The following PLA2R1 variants were observed in gnomAD, a reference collection of about 807,000 sequenced individuals.
PLA2R1 encodes the protein secretory phospholipase A2 receptor.
Under a neutral mutation model 195.9 loss-of-function variants are expected in PLA2R1, and 158 were observed. The observed-to-expected ratio is 0.81, with a 90% confidence interval of 0.71 to 0.92. The LOEUF is 0.92. PLA2R1 is among the 40% of genes least tolerant of loss of function. The pLI is 0.00. For synonymous variants in PLA2R1, 586 were observed against 598.2 expected (o/e 0.98, Z 0.30); for missense variants, 1,626 against 1,764.6 (o/e 0.92, Z 1.41).
At position 160,062,320 on chromosome 2, in the gene PLA2R1, G is replaced by T. The variant is rs779732509; in HGVS notation, c.84C>A (p.Thr28=). 2.6e-6 allele frequency: 4 copies of T among 1,524,256 alleles called. No homozygotes were observed. The highest frequency in any genetic ancestry group is 2.9e-5 in the African/African-American group (2 of 69,914). The allele number at this position is 1,524,256 out of a possible 1,614,324, so 94.4% of individuals were successfully genotyped here. The change falls in exon 1 of 30, where the codon ACC becomes ACA. Residue 28 remains threonine (T), a synonymous_variant. Transcript: ENST00000283243. ...CCTGCCACTCCAGGAGCCGCTCGGG[G>T]GTAAGCGCCGCCGCCACACCCTCGG... ...GCAEGVAAAL[T]PERLLEWQDK...
intron 17 of PLA2R1, among the ~76,000 whole-genome samples, chr2:159,971,476 A>G (rs56002940): frequency 0.3 from 45,505 of 150,576 alleles, 8,550 homozygotes; most frequent in Non-Finnish European, 0.42. Context: ...GTGTGCGCGC[A>G]CACACACACA....
intron 17 of PLA2R1, among the ~76,000 whole-genome samples, chr2:159,973,813 T>G (rs1298174935): frequency 6.6e-6 from 1 of 152,126 alleles, no homozygotes. Context: ...CCCATGAAAC[T>G]GATGGGGCAT....
intron 11 of PLA2R1, among the ~76,000 whole-genome samples, chr2:159,999,261 G>C (rs1413250687): frequency 6.6e-6 from 1 of 151,654 alleles, no homozygotes; most frequent in African/African-American, 2.4e-5. Context: ...TAACAGGAAT[G>C]ACTAAGAATC....
intron 8 of PLA2R1, among the ~76,000 whole-genome samples, chr2:160,019,801 C>G (rs1444702881): frequency 6.6e-6 from 1 of 151,416 alleles, no homozygotes; most frequent in Non-Finnish European, 1.5e-5. Flanking sequence ...CTTCCCCCTT[C>G]TCTCTGAGAG....
At position 159,982,106 on chromosome 2, in the gene PLA2R1, A is replaced by AGTGTGTGTGT. The variant is rs1170244741; in HGVS notation, c.2183+1812_2183+1821dup. Among the ~76,000 whole-genome samples, 4 of 152,270 alleles carry AGTGTGTGTGT rather than the reference A, an allele frequency of 2.6e-5. No individual in the cohort carries two copies. The South Asian group carries it at 8.3e-4, about 32-fold the overall frequency. On this transcript the variant is annotated intron_variant, in intron 13 of 29. Transcript: ENST00000283243. ...TTGATCTTAAAGCAAACTGGGAAGCAGTGTGTGTGTGGTTGTCATATGGCA... is the reference window on the plus strand; with the variant it reads ...TTGATCTTAAAGCAAACTGGGAAGCAGTGTGTGTGTGTGTGTGTGTGGTTGTCATATGGCA...
downstream of PLA2R1, among the ~76,000 whole-genome samples, chr2:159,929,436 G>T (rs1455899140): frequency 6.6e-6 from 1 of 152,120 alleles, no homozygotes; most frequent in Non-Finnish European, 1.5e-5. Context: ...AATGCAAATT[G>T]AAACCATAAT....
chr2:159,949,343 C>G lies in PLA2R1; in HGVS notation c.3709+265G>C, dbSNP rs192065091. Among the ~76,000 whole-genome samples the G allele has an allele frequency of 7.2e-4, 110 of 152,318 alleles. 1 individual carries two copies. The highest frequency in any genetic ancestry group is 3.1e-4 in the Non-Finnish European group (21 of 68,026). ...CACCCACCTATTTATCAAGGCCCATCTGCACTGCCATGTCCTTCAAGAAGC... is the reference window on the plus strand; with the variant it reads ...CACCCACCTATTTATCAAGGCCCATGTGCACTGCCATGTCCTTCAAGAAGC... On this transcript the variant is annotated intron_variant, in intron 25 of 29. Coordinates refer to ENST00000283243, the MANE Select transcript of PLA2R1 (RefSeq NM_007366.5).
chr2:160,034,343 C>T (rs1228458136), intron 3 of PLA2R1, among the ~76,000 whole-genome samples: 2 of 151,552 alleles, frequency 1.3e-5, no homozygotes, highest in Non-Finnish European at 2.9e-5. Context: ...ATAGAAGGAT[C>T]CAAGATTAAA....
At chr2:160,027,720 T>C (rs546172806) in intron 6 of PLA2R1, among the ~76,000 whole-genome samples, 4 of 152,324 alleles carry the variant, frequency 2.6e-5, no homozygotes, top group African/African-American at 9.6e-5. Flanking sequence ...GGACTTCTGG[T>C]ACTAGACTGT....
Position 160,062,509 on chromosome 2 carries a change from C to T in PLA2R1, c.-106G>A, listed in dbSNP as rs3749119. The T allele has an allele frequency of 0.31, 431,337 of 1,400,044 alleles. 69,588 individuals carry two copies. The highest frequency in any genetic ancestry group is 0.36 in the East Asian group (12,030 of 33,142). The allele number at this position is 1,400,044 out of a possible 1,614,324, so 86.7% of individuals were successfully genotyped here. The stretch of plus-strand genomic sequence containing the variant: ...CGGCCCCGCCGCGCGGAAGCGGATC[C>T]GTAGCCTCCTCCGCGCCCCACCCCC... On this transcript the variant is annotated 5_prime_UTR_variant, in exon 1 of 30. Coordinates refer to ENST00000283243, the MANE Select transcript of PLA2R1 (RefSeq NM_007366.5).
intron 8 of PLA2R1, among the ~76,000 whole-genome samples, chr2:160,019,417 C>T (rs1692964347): frequency 6.6e-6 from 1 of 152,178 alleles, no homozygotes; most frequent in South Asian, 2.1e-4. Context: ...CCACATCTAA[C>T]TTAGCAACAC....
At chr2:159,978,719 C>T (rs958619657) in intron 14 of PLA2R1, among the ~76,000 whole-genome samples, 1 of 152,104 alleles carries the variant, frequency 6.6e-6, no homozygotes, top group African/African-American at 2.4e-5. Context: ...GTTTTCTGAG[C>T]CTTGGTTTCT....
intron 1 of PLA2R1, 97 bp from the exon 2 acceptor site, chr2:160,045,254 A>G (rs571947773): frequency 2.2e-6 from 2 of 899,708 alleles, no homozygotes; most frequent in Admixed American, 4.8e-5. Flanking sequence ...GATATGCGAC[A>G]GTTGCCAGCC....
chr2:160,044,591 C>T (rs1383907982), intron 2 of PLA2R1, among the ~76,000 whole-genome samples, 183 bp downstream of exon 2: 1 of 152,112 alleles, frequency 6.6e-6, no homozygotes, highest in Non-Finnish European at 1.5e-5. Context: ...TGTAGTATGT[C>T]CATTCTGAGA....
intron 7 of PLA2R1, 59 bp from the exon 8 acceptor site, chr2:160,020,322 C>A: frequency 2.7e-6 from 3 of 1,096,490 alleles, no homozygotes; most frequent in Non-Finnish European, 4.0e-6. Context: ...GGAGATAACA[C>A]CCTGGAGTTA....
intron 11 of PLA2R1, among the ~76,000 whole-genome samples, chr2:159,991,455 T>A (rs1158544572): frequency 6.8e-6 from 1 of 146,438 alleles, no homozygotes; most frequent in Admixed American, 6.7e-5. Flanking sequence ...TTTTTTTTTT[T>A]AAGTTTTTCT....
chr2:159,976,903 G>A (rs1022338967), intron 15 of PLA2R1, among the ~76,000 whole-genome samples, 183 bp from the exon 16 acceptor site: 1 of 152,214 alleles, frequency 6.6e-6, no homozygotes. Context: ...GCTCCAGAGA[G>A]GCTTCTAATT....
intron 11 of PLA2R1, among the ~76,000 whole-genome samples, chr2:160,005,312 G>A (rs1014372107): frequency 6.6e-6 from 1 of 152,044 alleles, no homozygotes; most frequent in Non-Finnish European, 1.5e-5. Context: ...GCGCATGCCT[G>A]TGGTCCCAGC....
chr2:160,025,898 G>A (rs928677591), intron 6 of PLA2R1, among the ~76,000 whole-genome samples: 2 of 152,162 alleles, frequency 1.3e-5, no homozygotes, highest in African/African-American at 4.8e-5. Flanking sequence ...TAGGAAAAAG[G>A]ATACAAGTAG....
Sources: gnomAD v4.1 joint callset for allele counts (sites outside exome capture counted in the v4.1 genomes callset) on GRCh38, gnomAD v4.1.1 for gene constraint, MANE v1.5 for transcripts, NCBI Gene and HGNC (gene_info 2026-07-23, HGNC 2026-07-21) for gene names.